ZCCHC7: variants seen among roughly 807,000 people sequenced by gnomAD.
The protein encoded by ZCCHC7 is zinc finger CCHC-type containing 7.
In ZCCHC7, 35 loss-of-function variants were observed where a neutral mutation model predicts 52.0. The observed-to-expected ratio is 0.67, with a 90% CI of 0.51 to 0.89. ZCCHC7 has a LOEUF of 0.89. ZCCHC7 is among the 40% of genes least tolerant of loss of function. The pLI is 0.00. For missense variants in ZCCHC7, 574 were observed against 649.1 expected (o/e 0.88, Z 1.26); for synonymous variants, 217 against 221.5 (o/e 0.98, Z 0.18).
chr9:37,257,973 G>A (rs1264292186), intron 2 of ZCCHC7, among the ~76,000 whole-genome samples: 1 of 152,126 alleles, frequency 6.6e-6, no homozygotes, highest in African/African-American at 2.4e-5. Flanking sequence ...TTAGGGCAAG[G>A]GGTATAGCTG....
At chr9:37,163,385 C>CAA (rs1022187626) in intron 2 of ZCCHC7, among the ~76,000 whole-genome samples, 20,340 of 76,798 alleles carry the variant, frequency 0.26, 2,219 homozygotes, top group Middle Eastern at 0.31. Flanking sequence ...GACTCCATCT[C>CAA]AAAAAAAAAA....
chr9:37,242,297 CA>C (rs1825906695), intron 2 of ZCCHC7, among the ~76,000 whole-genome samples: 1 of 151,680 alleles, frequency 6.6e-6, no homozygotes, highest in Non-Finnish European at 1.5e-5. Flanking sequence ...AAATGATGTT[CA>C]AAGGAAATTG....
chr9:37,348,391 T>TTTCC (rs1372754519), intron 6 of ZCCHC7, among the ~76,000 whole-genome samples: 3 of 150,118 alleles, frequency 2.0e-5, no homozygotes, highest in African/African-American at 7.5e-5. Context: ...TCTTTCTTTC[T>TTTCC]TTTTTGACAT....
chr9:37,278,554 A>G (rs1316119584), intron 2 of ZCCHC7, among the ~76,000 whole-genome samples: 1 of 152,174 alleles, frequency 6.6e-6, no homozygotes, highest in Non-Finnish European at 1.5e-5. Context: ...CCAGAAGAAG[A>G]GAAGGAAACT....
intron 5 of ZCCHC7, among the ~76,000 whole-genome samples, chr9:37,312,953 A>G (rs1384417230): frequency 2.0e-5 from 3 of 152,212 alleles, no homozygotes; most frequent in Non-Finnish European, 4.4e-5. Context: ...AGTAACTTAG[A>G]TGTGTAAAAT....
At chr9:37,198,587 A>C (rs2133143472) in intron 2 of ZCCHC7, among the ~76,000 whole-genome samples, 1 of 152,346 alleles carries the variant, frequency 6.6e-6, no homozygotes, top group East Asian at 1.9e-4. Flanking sequence ...ATGAGGAATT[A>C]AGATAATACA....
chr9:37,253,706 G>A (rs1187679794), intron 2 of ZCCHC7, among the ~76,000 whole-genome samples: 1 of 151,624 alleles, frequency 6.6e-6, no homozygotes, highest in African/African-American at 2.4e-5. Context: ...AATATGAGAG[G>A]GAATGGTACA....
intron 5 of ZCCHC7, among the ~76,000 whole-genome samples, chr9:37,326,548 C>T (rs1830249596): frequency 6.6e-6 from 1 of 150,964 alleles, no homozygotes; most frequent in African/African-American, 2.4e-5. Context: ...AGTTAAAATG[C>T]GTAAAGGATA....
chr9:37,164,742 G>T (rs1265715607), intron 2 of ZCCHC7, among the ~76,000 whole-genome samples: 2 of 151,816 alleles, frequency 1.3e-5, no homozygotes, highest in African/African-American at 2.4e-5. Flanking sequence ...TCACATCTAA[G>T]TTTTTTTTAG....
intron 2 of ZCCHC7, among the ~76,000 whole-genome samples, chr9:37,253,482 A>G (rs1826429486): frequency 6.6e-6 from 1 of 151,952 alleles, no homozygotes; most frequent in Non-Finnish European, 1.5e-5. Context: ...CTTTTTCTTT[A>G]TCTATGTACA....
chr9:37,328,928 A>G (rs1416319207), intron 6 of ZCCHC7, among the ~76,000 whole-genome samples: 1 of 151,974 alleles, frequency 6.6e-6, no homozygotes, highest in East Asian at 1.9e-4. Context: ...AGGATTTGTT[A>G]AAAACTTAAG....
Position 37,327,819 on chromosome 9 carries a change from G to T in ZCCHC7, c.972G>T (p.Arg324Ser), listed in dbSNP as rs1830310632. The change falls in exon 6 of 9, where the codon AGG (arginine) becomes AGT (serine). Residue 324 changes from arginine (R) to serine (S), a missense_variant. Arg to Ser is a moderately radical substitution (Grantham distance 110). Coordinates refer to ENST00000336755, the MANE Select transcript of ZCCHC7 (RefSeq NM_032226.3). ...TCCAGGCTTGCACAGAAATCTGGAG[G>T]CAGTATCACCTAACGGTGAGTAGAA... ...HYTDACTEIW[R>S]QYHLTTKPGP... 6.2e-7 allele frequency: 1 copy of T among 1,612,990 alleles called. No individual in the cohort carries two copies. Among genetic ancestry groups the T allele is most frequent in the African/African-American group, 1.3e-5 (1 of 74,856 alleles).
chr9:37,244,267 A>G (rs1825992825), intron 2 of ZCCHC7, among the ~76,000 whole-genome samples: 1 of 151,182 alleles, frequency 6.6e-6, no homozygotes, highest in Non-Finnish European at 1.5e-5. Flanking sequence ...AAAAAGAAAG[A>G]AAGAAGAAAA....
chr9:37,185,490 A>T (rs2133070866), intron 2 of ZCCHC7, among the ~76,000 whole-genome samples: 1 of 152,354 alleles, frequency 6.6e-6, no homozygotes, highest in South Asian at 2.1e-4. Context: ...AAATTACCAT[A>T]AACTCAATGG....
At chr9:37,177,471 GT>G (rs1241808704) in intron 2 of ZCCHC7, among the ~76,000 whole-genome samples, 7 of 152,188 alleles carry the variant, frequency 4.6e-5, no homozygotes, top group Admixed American at 1.3e-4. Context: ...CAGCTGGGTT[GT>G]TTCTTTGATT....
At chr9:37,351,468 G>A (rs1425601534) in intron 7 of ZCCHC7, among the ~76,000 whole-genome samples, 1 of 152,040 alleles carries the variant, frequency 6.6e-6, no homozygotes, top group Non-Finnish European at 1.5e-5. Context: ...ACTGTGCCCA[G>A]CTAATTTTGT....
At chr9:37,184,502 A>G (rs1054930128) in intron 2 of ZCCHC7, among the ~76,000 whole-genome samples, 2 of 151,652 alleles carry the variant, frequency 1.3e-5, no homozygotes, top group African/African-American at 2.4e-5. Context: ...TGCTCTCCTG[A>G]TCTCTTATCC....
At chr9:37,210,981 T>G (rs1246392084) in intron 2 of ZCCHC7, among the ~76,000 whole-genome samples, 1 of 152,190 alleles carries the variant, frequency 6.6e-6, no homozygotes, top group Non-Finnish European at 1.5e-5. Context: ...ACTTAAACAT[T>G]TTCTTGTGGC....
intron 2 of ZCCHC7, among the ~76,000 whole-genome samples, chr9:37,224,140 A>C (rs919144459): frequency 6.6e-6 from 1 of 152,114 alleles, no homozygotes; most frequent in Non-Finnish European, 1.5e-5. Context: ...AAAGGAAAAA[A>C]CTTTTTATAA....
Sources: allele counts gnomAD v4.1 joint callset (sites outside exome capture counted in the v4.1 genomes callset), GRCh38; gene constraint gnomAD v4.1.1; transcripts MANE v1.5; gene names NCBI Gene and HGNC (gene_info 2026-07-23, HGNC 2026-07-21).